Variants in WDR86 observed in about 807,000 individuals in gnomAD.
The protein encoded by WDR86 is WD repeat domain 86, also known as WD repeat-containing protein 86.
Under a neutral mutation model 36.5 loss-of-function variants are expected in WDR86, and 30 were observed. That is an observed-to-expected ratio of 0.82 (90% CI 0.61 to 1.11). The LOEUF is 1.11. WDR86 is among the 50% of genes most tolerant of loss of function. The pLI, the probability that WDR86 is intolerant of heterozygous loss-of-function variation, is 0.00. For missense variants in WDR86, 545 were observed against 561.2 expected, an observed-to-expected ratio of 0.97 and a Z score of 0.29; for synonymous variants, 255 against 252.9, an observed-to-expected ratio of 1.01 and a Z score of -0.08.
intron 4 of WDR86, among the ~76,000 whole-genome samples, chr7:151,384,380 G>A (rs923331376): frequency 2.0e-5 from 3 of 152,220 alleles, no homozygotes; most frequent in African/African-American, 7.2e-5. Context: ...GAGGTATGTA[G>A]AAGCCCTTGG....
intron 1 of WDR86, among the ~76,000 whole-genome samples, chr7:151,402,070 A>AAAAAAAAAAAATATATATATATAT: frequency 2.0e-4 from 10 of 50,516 alleles, no homozygotes; most frequent in Admixed American, 4.6e-4. Flanking sequence ...AAAAAAAAAA[A>AAAAAAAAAAAATATATATATATAT]ATATATATAT....
At chr7:151,402,345 G>T (rs1326973107) in intron 1 of WDR86, among the ~76,000 whole-genome samples, 1 of 152,000 alleles carries the variant, frequency 6.6e-6, no homozygotes, top group Non-Finnish European at 1.5e-5. Flanking sequence ...AACTTCACTT[G>T]TTTCCAGGCA....
At chr7:151,391,812 G>C (rs944309328) in intron 3 of WDR86, among the ~76,000 whole-genome samples, 1 of 152,048 alleles carries the variant, frequency 6.6e-6, no homozygotes, top group Non-Finnish European at 1.5e-5. Context: ...GAATCTAGGA[G>C]TCCAAGTACA....
chr7:151,396,448 C>T (rs976923508), intron 2 of WDR86, among the ~76,000 whole-genome samples: 2 of 152,232 alleles, frequency 1.3e-5, no homozygotes, highest in African/African-American at 2.4e-5. Flanking sequence ...AGCTTAGATG[C>T]TCCGCTGGGA....
rs114666935 is a variant in WDR86 at position 151,385,761 on chromosome 7, C to T, written c.727-538G>A. Among the ~76,000 whole-genome samples, 13 of 152,214 alleles carry T rather than the reference C, an allele frequency of 8.5e-5. No homozygotes were observed. In the East Asian group the frequency reaches 2.1e-3, roughly 25 times the overall value. On this transcript the variant is annotated intron_variant, in intron 3 of 5. Coordinates refer to ENST00000334493, the MANE Select transcript of WDR86 (RefSeq NM_198285.3). ...TGGGGCTCACAGTGAGAAGAGGGCC[C>T]GGGAGACAGTCTCACCCAGCCATGT...
intron 3 of WDR86, among the ~76,000 whole-genome samples, chr7:151,394,362 G>A (rs1799655211): frequency 1.3e-5 from 2 of 152,196 alleles, no homozygotes; most frequent in Non-Finnish European, 2.9e-5. Flanking sequence ...GGGGCCCCTG[G>A]CCTGGCTCTC....
rs959593197 is a variant in WDR86 at position 151,401,623 on chromosome 7, G to A, written c.164-1382C>T. On this transcript the variant is annotated intron_variant, in intron 1 of 5. Coordinates refer to ENST00000334493, the MANE Select transcript of WDR86 (RefSeq NM_198285.3). This position sits in a 1 kb window ranked among gnomAD's most constrained non-coding sequence, Gnocchi z 4.3. ...GAGATACTGTGGTAGGCAGAATGACGGCCCCAAGACAGCAGGTCCTAATCC... is the reference window on the plus strand; with the variant it reads ...GAGATACTGTGGTAGGCAGAATGACAGCCCCAAGACAGCAGGTCCTAATCC... Among the ~76,000 whole-genome samples the A allele has an allele frequency of 6.6e-6, 1 of 152,050 alleles. No homozygotes were observed. Among genetic ancestry groups the A allele is most frequent in the Non-Finnish European group, 1.5e-5 (1 of 68,010 alleles).
At chr7:151,377,346 G>C, downstream of WDR86, 2 of 661,220 alleles carry the variant, frequency 3.0e-6, no homozygotes, top group Non-Finnish European at 4.9e-6. Context: ...GGTGTAGGAG[G>C]GGGTGGGCAG....
In WDR86 at chr7:151,381,416, G is replaced by A. The variant is rs112828444; in HGVS notation, c.*166C>T. 2 of 1,487,810 alleles carry A rather than the reference G, an allele frequency of 1.3e-6. No individual in the cohort carries two copies. Among genetic ancestry groups the A allele is most frequent in the Non-Finnish European group, 1.8e-6 (2 of 1,126,884 alleles). The allele number at this position is 1,487,810 out of a possible 1,614,324, so 92.2% of individuals were successfully genotyped here. A position where few individuals can be genotyped will look rare whatever the true frequency, so the allele number is the denominator to read the frequency against. ...AGCACTCCCGCTCCCAGCGCCTCCTGGCCACCAAAGAAAAACCAGACGCCT... is the reference window on the plus strand; with the variant it reads ...AGCACTCCCGCTCCCAGCGCCTCCTAGCCACCAAAGAAAAACCAGACGCCT... On this transcript the variant is annotated 3_prime_UTR_variant, in exon 6 of 6. Coordinates refer to ENST00000334493, the MANE Select transcript of WDR86 (RefSeq NM_198285.3). The surrounding 1 kb of genome is among the most constrained non-coding windows in gnomAD (Gnocchi z 4.8).
At chr7:151,396,971 C>T (rs531887612) in intron 2 of WDR86, among the ~76,000 whole-genome samples, 6 of 152,354 alleles carry the variant, frequency 3.9e-5, no homozygotes, top group African/African-American at 1.4e-4. Context: ...ATTGTATTCA[C>T]GACTCTTATT....
chr7:151,400,007 C>T, intron 2 of WDR86, 93 bp downstream of exon 2: 1 of 1,258,436 alleles, frequency 7.9e-7, no homozygotes, highest in Non-Finnish European at 1.1e-6. Flanking sequence ...GAGCCAAGGG[C>T]CCTCACGTGC....
At chr7:151,392,843 T>C (rs761679156) in intron 3 of WDR86, among the ~76,000 whole-genome samples, 13 of 152,162 alleles carry the variant, frequency 8.5e-5, no homozygotes, top group Non-Finnish European at 1.9e-4. Flanking sequence ...CAGAACCTTC[T>C]GACCAGTGCA....
rs1801059140 is a variant in WDR86 at position 151,409,706 on chromosome 7, C to T, written c.-117G>A. On this transcript the variant is annotated 5_prime_UTR_variant, in exon 1 of 6. Coordinates refer to ENST00000334493, the MANE Select transcript of WDR86 (RefSeq NM_198285.3). The surrounding 1 kb of genome is among the most constrained non-coding windows in gnomAD (Gnocchi z 5.2). ...CGCGGCCATCGCGGGGAACGGGGAGCCCGACTCCTGCGGAGGCACGCGGCG... is the reference window on the plus strand; with the variant it reads ...CGCGGCCATCGCGGGGAACGGGGAGTCCGACTCCTGCGGAGGCACGCGGCG... 3 of 1,295,840 alleles carry T rather than the reference C, an allele frequency of 2.3e-6. No homozygotes were observed. The highest frequency in any genetic ancestry group is 3.2e-5 in the East Asian group (1 of 31,596). The allele number at this position is 1,295,840 out of a possible 1,614,324, so 80.3% of individuals were successfully genotyped here.
chr7:151,399,142 A>G (rs1401560394), intron 2 of WDR86, among the ~76,000 whole-genome samples: 1 of 152,040 alleles, frequency 6.6e-6, no homozygotes, highest in African/African-American at 2.4e-5. Context: ...TTCACTCTAA[A>G]AAGTCCCCGC....
At chr7:151,389,119 T>A (rs1195822791) in intron 3 of WDR86, among the ~76,000 whole-genome samples, 3 of 14,404 alleles carry the variant, frequency 2.1e-4, no homozygotes, top group African/African-American at 1.2e-3. Flanking sequence ...TTTTCTTTCC[T>A]TTTTTTTTTT....
Position 151,381,172 on chromosome 7 carries a change from C to G in WDR86, c.*410G>C. Reference sequence around the variant, plus strand: ...TCAGTTCCCCCCAAGGCCCTCGAGACGGACGATTTGCCAAAATAACCAGGT... The same window carrying G: ...TCAGTTCCCCCCAAGGCCCTCGAGAGGGACGATTTGCCAAAATAACCAGGT... On this transcript the variant is annotated 3_prime_UTR_variant, in exon 6 of 6. Transcript: ENST00000334493. The surrounding 1 kb of genome is among the most constrained non-coding windows in gnomAD (Gnocchi z 4.8). The G allele has an allele frequency of 8.0e-7, 1 of 1,251,300 alleles. No individual in the cohort carries two copies. The highest frequency in any genetic ancestry group is 1.0e-6 in the Non-Finnish European group (1 of 1,000,630). 77.5% of individuals were successfully genotyped at this position (1,251,300 alleles called of 1,614,324 possible). A position where few individuals can be genotyped will look rare whatever the true frequency, so the allele number is the denominator to read the frequency against.
rs753021983 is a variant in WDR86, at chr7:151,409,444, C to G, written c.146G>C (p.Cys49Ser). ...GGGTCTACCTTGCAGGAGCGCGCAGCACTGGCCGTCCGCGGTGCTCCAGAG... is the reference window on the plus strand; with the variant it reads ...GGGTCTACCTTGCAGGAGCGCGCAGGACTGGCCGTCCGCGGTGCTCCAGAG... Reference protein sequence around the residue: ...ARLWSTADGQCCALLQGHESY... With the variant: ...ARLWSTADGQSCALLQGHESY... The change falls in exon 1 of 6, where the codon TGC (cysteine) becomes TCC (serine). Residue 49 changes from cysteine to serine, a missense_variant. Transcript: ENST00000334493. This position sits in a 1 kb window ranked among gnomAD's most constrained non-coding sequence, Gnocchi z 5.2. 1.3e-6 allele frequency: 2 copies of G among 1,547,822 alleles called. No homozygotes were observed. The highest frequency in any genetic ancestry group is 2.4e-5 in the East Asian group (1 of 41,524).
rs114001601 is a variant in WDR86, at chr7:151,389,544, C to T, written c.727-4321G>A. Among the ~76,000 whole-genome samples, 464 of 152,294 alleles carry T rather than the reference C, an allele frequency of 3.0e-3. 3 individuals are homozygous for T. The highest frequency in any genetic ancestry group is 0.011 in the African/African-American group (439 of 41,558). ...TGACTTGCAAGCACACACGCTTCTT[C>T]GGCAAAACGATTTCAGAGGCGACAC... On this transcript the variant is annotated intron_variant, in intron 3 of 5. Coordinates refer to ENST00000334493, the MANE Select transcript of WDR86 (RefSeq NM_198285.3).
At chr7:151,386,669 G>T (rs117317518) in intron 3 of WDR86, among the ~76,000 whole-genome samples, 2,720 of 152,268 alleles carry the variant, frequency 0.018, 31 homozygotes, top group Non-Finnish European at 0.026. Context: ...GCACCAGCAG[G>T]AAGGACAAAT....
Sources: gnomAD v4.1 joint callset for allele counts (sites outside exome capture counted in the v4.1 genomes callset) on GRCh38, gnomAD v4.1.1 for gene constraint, Gnocchi (gnomAD v3.1) non-coding constraint, MANE v1.5 for transcripts, NCBI Gene and HGNC (gene_info 2026-07-23, HGNC 2026-07-21) for gene names.